Variants in JAKMIP2 observed in about 807,000 individuals in gnomAD.
JAKMIP2 encodes janus kinase and microtubule-interacting protein 2.
JAKMIP2 carries 25 observed loss-of-function variants against 115.0 expected under a neutral mutation model. The ratio of observed to expected loss-of-function variants is 0.22; its 90% CI spans 0.16 to 0.30. The LOEUF is 0.30. Among genes scored for constraint, JAKMIP2 ranks in the 10% least tolerant of loss-of-function variants. JAKMIP2 has a pLI of 1.00. For missense variants in JAKMIP2, 642 were observed against 957.6 expected (o/e 0.67, Z 4.35); for synonymous variants, 334 against 343.6 (o/e 0.97, Z 0.31).
intron 12 of JAKMIP2, among the ~76,000 whole-genome samples, chr5:147,635,189 T>A (rs1459061899): frequency 1.3e-5 from 2 of 151,872 alleles, no homozygotes; most frequent in Non-Finnish European, 2.9e-5. Flanking sequence ...AAAAAAAAAA[T>A]TATTTTGAAA....
At chr5:147,706,648 C>T (rs1014082334) in intron 1 of JAKMIP2, among the ~76,000 whole-genome samples, 2 of 152,108 alleles carry the variant, frequency 1.3e-5, no homozygotes, top group Non-Finnish European at 2.9e-5. Context: ...TTATGATCTA[C>T]CCAAATATTA....
chr5:147,656,644 G>A (rs371614240), intron 3 of JAKMIP2, among the ~76,000 whole-genome samples: 5 of 152,092 alleles, frequency 3.3e-5, no homozygotes, highest in Middle Eastern at 3.2e-3. Context: ...TATCCAATTT[G>A]CTAGTCTGTG....
At chr5:147,745,022 C>A (rs1012929636) in intron 1 of JAKMIP2, among the ~76,000 whole-genome samples, 2 of 146,872 alleles carry the variant, frequency 1.4e-5, no homozygotes, top group Admixed American at 1.4e-4. Context: ...CATGCCACTG[C>A]GCTCCAACCT....
At chr5:147,700,453 C>A (rs763646324) in intron 1 of JAKMIP2, among the ~76,000 whole-genome samples, 1 of 151,982 alleles carries the variant, frequency 6.6e-6, no homozygotes, top group Non-Finnish European at 1.5e-5. Context: ...TATATATACA[C>A]GGTTAAGATA....
chr5:147,782,551 C>T lies in JAKMIP2; in HGVS notation c.-244G>A. The T allele has an allele frequency of 7.4e-7, 1 of 1,357,792 alleles. No homozygotes were observed. The highest frequency in any genetic ancestry group is 1.0e-6 in the Non-Finnish European group (1 of 984,804). 84.1% of individuals were successfully genotyped at this position (1,357,792 alleles called of 1,614,324 possible). A position where few individuals can be genotyped will look rare whatever the true frequency, so the allele number is the denominator to read the frequency against. The stretch of plus-strand genomic sequence containing the variant: ...AGTCGGATGCAGCCTCCGAACCCAA[C>T]ATCAGCAGTGGCTGCCGGTTTTTTT... On this transcript the variant is annotated 5_prime_UTR_variant, in exon 1 of 22. An upstream start codon of the reference 5' UTR is lost. Coordinates refer to ENST00000616793, the MANE Select transcript of JAKMIP2 (RefSeq NM_001270941.2).
intron 1 of JAKMIP2, among the ~76,000 whole-genome samples, chr5:147,770,156 A>C (rs17703007): frequency 0.11 from 16,989 of 152,046 alleles, 1,178 homozygotes; most frequent in Middle Eastern, 0.2. Context: ...CAAATCTTAC[A>C]TATTTTTTCT....
intron 18 of JAKMIP2, among the ~76,000 whole-genome samples, chr5:147,620,254 A>G (rs1581302777): frequency 6.6e-6 from 1 of 151,930 alleles, no homozygotes; most frequent in East Asian, 1.9e-4. Flanking sequence ...TGTCACCATG[A>G]TTGGCTAATT....
At chr5:147,648,800 T>C (rs1318749115) in intron 4 of JAKMIP2, among the ~76,000 whole-genome samples, 3 of 152,154 alleles carry the variant, frequency 2.0e-5, no homozygotes, top group Non-Finnish European at 4.4e-5. Flanking sequence ...AAGGTCATGA[T>C]GTGATTACAT....
chr5:147,772,710 G>T (rs1193292019), intron 1 of JAKMIP2, among the ~76,000 whole-genome samples: 1 of 151,992 alleles, frequency 6.6e-6, no homozygotes, highest in Admixed American at 6.6e-5. Context: ...GCTGGGTCCA[G>T]TCCACAAGGC....
At chr5:147,708,165 A>AAC (rs1752650392) in intron 1 of JAKMIP2, among the ~76,000 whole-genome samples, 1 of 152,220 alleles carries the variant, frequency 6.6e-6, no homozygotes, top group African/African-American at 2.4e-5. Flanking sequence ...ACAATGGAAA[A>AAC]ATAGTGTTGA....
In JAKMIP2 at chr5:147,671,815, T is replaced by C. The variant is rs1759608282; in HGVS notation, c.-9A>G. ...CGCCCTTTCTTGGACATTGTTCCTTTCTAAATGGAGTCTGTTGGTTTTTAA... is the reference window on the plus strand; with the variant it reads ...CGCCCTTTCTTGGACATTGTTCCTTCCTAAATGGAGTCTGTTGGTTTTTAA... On this transcript the variant is annotated 5_prime_UTR_variant, in exon 2 of 22. Coordinates refer to ENST00000616793, the MANE Select transcript of JAKMIP2 (RefSeq NM_001270941.2). 1 of 1,551,832 alleles carries C rather than the reference T, an allele frequency of 6.4e-7. No individual in the cohort carries two copies. Among genetic ancestry groups the C allele is most frequent in the Admixed American group, 2.0e-5 (1 of 50,020 alleles).
At chr5:147,724,258 A>C (rs1417123917) in intron 1 of JAKMIP2, among the ~76,000 whole-genome samples, 1 of 152,192 alleles carries the variant, frequency 6.6e-6, no homozygotes, top group Non-Finnish European at 1.5e-5. Flanking sequence ...CTACCATCTA[A>C]GGTGCCATAT....
intron 1 of JAKMIP2, among the ~76,000 whole-genome samples, chr5:147,682,375 G>T (rs1202403742): frequency 1.3e-5 from 2 of 152,182 alleles, no homozygotes; most frequent in African/African-American, 4.8e-5. Context: ...TCACATAGGG[G>T]AGTGACTTGA....
At chr5:147,688,376 G>A (rs1295389442) in intron 1 of JAKMIP2, among the ~76,000 whole-genome samples, 5 of 152,198 alleles carry the variant, frequency 3.3e-5, no homozygotes, top group African/African-American at 4.8e-5. Flanking sequence ...CTGCAAAACC[G>A]TATGCACAAC....
intron 1 of JAKMIP2, among the ~76,000 whole-genome samples, chr5:147,729,865 ATGC>A (rs747958375): frequency 6.6e-6 from 1 of 152,126 alleles, no homozygotes; most frequent in Non-Finnish European, 1.5e-5. Flanking sequence ...GTCAAAGAAG[ATGC>A]AGCTGAGTGC....
intron 1 of JAKMIP2, among the ~76,000 whole-genome samples, chr5:147,763,696 C>T (rs1049765989): frequency 2.0e-5 from 3 of 152,018 alleles, no homozygotes; most frequent in Non-Finnish European, 4.4e-5. Flanking sequence ...GAGGGCTTAA[C>T]AATAGTTCCT....
At chr5:147,605,877 T>C (rs1383251377) in intron 20 of JAKMIP2, among the ~76,000 whole-genome samples, 5 of 152,238 alleles carry the variant, frequency 3.3e-5, no homozygotes. Context: ...ATAGCCATTC[T>C]AACTGGTGTG....
intron 1 of JAKMIP2, among the ~76,000 whole-genome samples, chr5:147,690,578 T>TAC (rs1751794218): frequency 8.7e-6 from 1 of 114,882 alleles, no homozygotes; most frequent in Non-Finnish European, 1.8e-5. Flanking sequence ...TATATATATA[T>TAC]ATATATGCAC....
chr5:147,715,797 AT>A (rs1250158538), intron 1 of JAKMIP2, among the ~76,000 whole-genome samples: 1 of 150,286 alleles, frequency 6.7e-6, no homozygotes, highest in African/African-American at 2.4e-5. Context: ...CTCCAATGAT[AT>A]TGTTTTAAAA....
Sources: gnomAD v4.1 joint callset for allele counts (sites outside exome capture counted in the v4.1 genomes callset) on GRCh38, gnomAD v4.1.1 for gene constraint, MANE v1.5 for transcripts, NCBI Gene and HGNC (gene_info 2026-07-23, HGNC 2026-07-21) for gene names.